The following NETO1 variants were observed in gnomAD, a reference collection of about 807,000 sequenced individuals.
The protein encoded by NETO1 is neuropilin and tolloid-like protein 1.
NETO1 carries 26 observed loss-of-function variants against 61.3 expected under a neutral mutation model. That is an observed-to-expected ratio of 0.42 (90% CI 0.31 to 0.59). The LOEUF (loss-of-function observed/expected upper bound fraction) is 0.59, where lower values mean the gene tolerates loss of function less well. NETO1 is among the 20% of genes least tolerant of loss of function. The pLI is 0.12. For synonymous variants in NETO1, 225 were observed against 225.8 expected, an observed-to-expected ratio of 1.00 and a Z score of 0.03; for missense variants, 531 against 662.8, an observed-to-expected ratio of 0.80 and a Z score of 2.18.
intron 3 of NETO1, among the ~76,000 whole-genome samples, chr18:72,863,537 C>G (rs1185145630): frequency 1.3e-5 from 2 of 152,148 alleles, no homozygotes; most frequent in African/African-American, 4.8e-5. Context: ...CTTAGGTTTT[C>G]AGTGTTATCC....
chr18:72,810,384 T>C (rs1426318453), intron 4 of NETO1, among the ~76,000 whole-genome samples: 1 of 152,170 alleles, frequency 6.6e-6, no homozygotes, highest in African/African-American at 2.4e-5. Flanking sequence ...CTAGAAAGCA[T>C]AGTCTCCATC....
intron 7 of NETO1, among the ~76,000 whole-genome samples, chr18:72,778,478 C>T (rs1372638941): frequency 1.3e-5 from 2 of 152,070 alleles, no homozygotes; most frequent in Non-Finnish European, 1.5e-5. Context: ...AGGAGTCAAA[C>T]GTTCTTTCAA....
intron 7 of NETO1, among the ~76,000 whole-genome samples, chr18:72,774,330 A>G (rs56168304): frequency 0.2 from 30,018 of 152,170 alleles, 3,737 homozygotes; most frequent in South Asian, 0.27. Context: ...TTGAATGGGC[A>G]TATTCCACGA....
At chr18:72,777,427 A>AC in intron 7 of NETO1, among the ~76,000 whole-genome samples, 1 of 127,166 alleles carries the variant, frequency 7.9e-6, no homozygotes, top group Non-Finnish European at 1.6e-5. Context: ...CTGAAAAAAA[A>AC]AAACAAAACA....
intron 4 of NETO1, among the ~76,000 whole-genome samples, chr18:72,809,687 T>C (rs1200187629): frequency 6.6e-6 from 1 of 152,248 alleles, no homozygotes; most frequent in Non-Finnish European, 1.5e-5. Context: ...AATACTGTTG[T>C]TGTAGCCTCA....
At chr18:72,772,702 T>C (rs1215866824) in intron 7 of NETO1, among the ~76,000 whole-genome samples, 2 of 149,878 alleles carry the variant, frequency 1.3e-5, no homozygotes, top group Admixed American at 6.7e-5. Flanking sequence ...AGGTGGCATA[T>C]ATATATGATA....
At chr18:72,800,970 T>A (rs879680144) in intron 4 of NETO1, among the ~76,000 whole-genome samples, 1 of 152,192 alleles carries the variant, frequency 6.6e-6, no homozygotes, top group Non-Finnish European at 1.5e-5. Context: ...TTAACAAACC[T>A]GTCTTTCTTT....
intron 4 of NETO1, among the ~76,000 whole-genome samples, chr18:72,854,480 C>A (rs2074355577): frequency 6.6e-6 from 1 of 151,928 alleles, no homozygotes; most frequent in South Asian, 2.1e-4. Flanking sequence ...ATTATAAGAC[C>A]AACAAAAGAT....
At chr18:72,779,506 A>G (rs368336328) in intron 7 of NETO1, among the ~76,000 whole-genome samples, 1 of 152,118 alleles carries the variant, frequency 6.6e-6, no homozygotes. Flanking sequence ...TAAACAAAGT[A>G]TCTTTGCTTC....
rs1266163678 is a variant in NETO1, at chr18:72,794,433, C to A, written c.470-29G>T. 4 of 1,592,998 alleles carry A rather than the reference C, an allele frequency of 2.5e-6. No homozygotes were observed. In the East Asian group the frequency reaches 8.9e-5, roughly 36 times the overall value. ...AAAAATTGAGAAAAAGACAATTAGTCCCATTCTACATTTATTACTTACAGT... is the reference window on the plus strand; with the variant it reads ...AAAAATTGAGAAAAAGACAATTAGTACCATTCTACATTTATTACTTACAGT... On this transcript the variant is annotated intron_variant, in intron 4 of 10. Coordinates refer to ENST00000327305, the MANE Select transcript of NETO1 (RefSeq NM_138966.5).
At chr18:72,833,473 T>C (rs1385452649) in intron 4 of NETO1, among the ~76,000 whole-genome samples, 1 of 152,206 alleles carries the variant, frequency 6.6e-6, no homozygotes, top group Non-Finnish European at 1.5e-5. Context: ...ATCTTCTTCA[T>C]TCTAATCTGC....
intron 4 of NETO1, among the ~76,000 whole-genome samples, chr18:72,839,200 G>A (rs887206804): frequency 2.0e-5 from 3 of 152,132 alleles, no homozygotes; most frequent in Non-Finnish European, 4.4e-5. Flanking sequence ...ATGAAATGAA[G>A]AATCTGAATC....
chr18:72,766,933 G>A (rs1353667209), intron 7 of NETO1, among the ~76,000 whole-genome samples: 3 of 152,158 alleles, frequency 2.0e-5, no homozygotes, highest in Non-Finnish European at 2.9e-5. Context: ...AATGTGTGTA[G>A]TTAGACATTA....
intron 4 of NETO1, among the ~76,000 whole-genome samples, chr18:72,839,847 A>C (rs1478051165): frequency 6.6e-6 from 1 of 152,170 alleles, no homozygotes; most frequent in Non-Finnish European, 1.5e-5. Context: ...ATTTACCATA[A>C]TTATATTTTC....
intron 4 of NETO1, among the ~76,000 whole-genome samples, chr18:72,817,085 T>A (rs1233404604): frequency 6.6e-6 from 1 of 152,190 alleles, no homozygotes; most frequent in Non-Finnish European, 1.5e-5. Flanking sequence ...CAGTTTCCCA[T>A]CAAGAGGCAG....
chr18:72,759,947 C>T (rs1253609738), intron 7 of NETO1, among the ~76,000 whole-genome samples: 1 of 152,164 alleles, frequency 6.6e-6, no homozygotes, highest in Non-Finnish European at 1.5e-5. Context: ...AGGGGACACG[C>T]AACTTTATAC....
chr18:72,758,731 G>A (rs1370260875), intron 7 of NETO1, among the ~76,000 whole-genome samples: 1 of 152,012 alleles, frequency 6.6e-6, no homozygotes, highest in East Asian at 1.9e-4. Context: ...AGCTACTCGG[G>A]AGGCTCAGGC....
intron 4 of NETO1, among the ~76,000 whole-genome samples, chr18:72,846,532 A>G (rs898510144): frequency 1.3e-5 from 2 of 149,400 alleles, no homozygotes; most frequent in South Asian, 2.1e-4. Flanking sequence ...AAAAAAAAAA[A>G]AAGAAGATGC....
chr18:72,819,379 TA>T (rs2073123781), intron 4 of NETO1, among the ~76,000 whole-genome samples: 1 of 152,204 alleles, frequency 6.6e-6, no homozygotes, highest in Non-Finnish European at 1.5e-5. Context: ...GATGGGCTTC[TA>T]AAGAGCTCTA....
Sources: gnomAD v4.1 joint callset for allele counts (sites outside exome capture counted in the v4.1 genomes callset) on GRCh38, gnomAD v4.1.1 for gene constraint, MANE v1.5 for transcripts, NCBI Gene and HGNC (gene_info 2026-07-23, HGNC 2026-07-21) for gene names.